DNAH14: variants seen among roughly 807,000 people sequenced by gnomAD.
DNAH14 encodes the protein dynein axonemal heavy chain 14.
Under a neutral mutation model 520.9 loss-of-function variants are expected in DNAH14, and 478 were observed. That is an observed-to-expected ratio of 0.92 (90% CI 0.85 to 0.99). The LOEUF (loss-of-function observed/expected upper bound fraction) is 0.99, where lower values mean the gene tolerates loss of function less well. Among genes scored for constraint, DNAH14 ranks in the 50% least tolerant of loss-of-function variants. The pLI is 0.00. For synonymous variants in DNAH14, 1,581 were observed against 1,757.2 expected, an observed-to-expected ratio of 0.90 and a Z score of 2.51; for missense variants, 4,831 against 5,234.5, an observed-to-expected ratio of 0.92 and a Z score of 2.38.
At chr1:225,389,693 T>A in intron 82 of DNAH14, 41 bp from the exon 83 acceptor site, 1 of 1,546,974 alleles carries the variant, frequency 6.5e-7, no homozygotes, top group Non-Finnish European at 8.7e-7. Context: ...TGTGCAATTA[T>A]TATGCCCTTA....
intron 17 of DNAH14, among the ~76,000 whole-genome samples, chr1:225,055,056 T>G (rs1192999537): frequency 6.6e-6 from 1 of 152,094 alleles, no homozygotes; most frequent in Non-Finnish European, 1.5e-5. Context: ...CTCTTTTTTT[T>G]TTACTGTGTT....
At chr1:224,941,092 A>T (rs1320222235) in intron 1 of DNAH14, among the ~76,000 whole-genome samples, 1 of 152,244 alleles carries the variant, frequency 6.6e-6, no homozygotes, top group Non-Finnish European at 1.5e-5. Context: ...AGGAATCACC[A>T]CACTCACTTC....
chr1:224,929,968 T>G, intron 1 of DNAH14, 133 bp downstream of exon 1: 1 of 449,862 alleles, frequency 2.2e-6, no homozygotes, highest in South Asian at 2.9e-5. Flanking sequence ...CCAGCTGCTG[T>G]GGGAGCGCCT....
chr1:225,171,783 A>C (rs1037169573), intron 36 of DNAH14, among the ~76,000 whole-genome samples: 7 of 152,224 alleles, frequency 4.6e-5, no homozygotes, highest in Non-Finnish European at 8.8e-5. Flanking sequence ...GGCCAGCATC[A>C]TCCTGATACC....
intron 22 of DNAH14, among the ~76,000 whole-genome samples, chr1:225,098,015 A>G (rs2075137646): frequency 6.6e-6 from 1 of 152,112 alleles, no homozygotes; most frequent in African/African-American, 2.4e-5. Context: ...ACACAGGGAA[A>G]CCTCATGTCT....
chr1:225,171,450 C>T (rs2082652362), intron 36 of DNAH14, among the ~76,000 whole-genome samples: 1 of 152,114 alleles, frequency 6.6e-6, no homozygotes, highest in South Asian at 2.1e-4. Context: ...CACCACCGAT[C>T]CCGCAGAAAT....
chr1:225,288,756 C>G (rs1187449609), intron 54 of DNAH14, among the ~76,000 whole-genome samples: 1 of 152,080 alleles, frequency 6.6e-6, no homozygotes, highest in Non-Finnish European at 1.5e-5. Context: ...CAAATTAAAA[C>G]CACAATAACA....
At chr1:225,377,975 T>C (rs554207626) in intron 79 of DNAH14, among the ~76,000 whole-genome samples, 2 of 152,254 alleles carry the variant, frequency 1.3e-5, no homozygotes, top group South Asian at 4.1e-4. Flanking sequence ...GAATCTTAAA[T>C]TTTCTTGTTC....
At chr1:225,164,292 A>G (rs139491504) in intron 35 of DNAH14, among the ~76,000 whole-genome samples, 141 of 152,236 alleles carry the variant, frequency 9.3e-4, no homozygotes, top group African/African-American at 3.3e-3. Context: ...TTGTCTTAAT[A>G]TCTATTCAGT....
chr1:225,240,311 G>A (rs1398647994), intron 42 of DNAH14, among the ~76,000 whole-genome samples: 1 of 149,206 alleles, frequency 6.7e-6, no homozygotes, highest in Non-Finnish European at 1.5e-5. Context: ...ATAAATAAAA[G>A]CATATATATG....
intron 23 of DNAH14, among the ~76,000 whole-genome samples, chr1:225,101,243 G>A (rs2075428770): frequency 6.6e-6 from 1 of 151,262 alleles, no homozygotes; most frequent in Non-Finnish European, 1.5e-5. Flanking sequence ...TAGATAGATA[G>A]TAGATGTATA....
At chr1:224,990,341 G>A (rs2062952694) in intron 8 of DNAH14, among the ~76,000 whole-genome samples, 1 of 152,020 alleles carries the variant, frequency 6.6e-6, no homozygotes, top group African/African-American at 2.4e-5. Flanking sequence ...TTTACTCTTA[G>A]CACTTTTGAA....
chr1:225,119,363 C>T (rs2077118749), intron 26 of DNAH14, 69 bp downstream of exon 26: 1 of 1,102,226 alleles, frequency 9.1e-7, no homozygotes, highest in Admixed American at 3.4e-5. Flanking sequence ...TATATACACA[C>T]ACATTTTTTA....
chr1:225,115,502 G>T (rs1013025394), intron 23 of DNAH14, among the ~76,000 whole-genome samples: 1 of 152,038 alleles, frequency 6.6e-6, no homozygotes, highest in Admixed American at 6.5e-5. Flanking sequence ...TTTTTATTCA[G>T]GCATTAATTG....
At chr1:225,085,885 A>G in intron 21 of DNAH14, 96 bp downstream of exon 21, 1 of 1,242,720 alleles carries the variant, frequency 8.0e-7, no homozygotes, top group Non-Finnish European at 1.1e-6. Flanking sequence ...TGAATTGTAT[A>G]AATCATTCAT....
intron 62 of DNAH14, 110 bp downstream of exon 62, chr1:225,322,933 G>A: frequency 8.8e-7 from 1 of 1,136,550 alleles, no homozygotes; most frequent in South Asian, 2.1e-5. Context: ...CTATTTTCTA[G>A]GAAAATAGCT....
intron 62 of DNAH14, 22 bp downstream of exon 62, chr1:225,322,845 G>T: frequency 6.5e-7 from 1 of 1,535,866 alleles, no homozygotes; most frequent in Non-Finnish European, 8.8e-7. Flanking sequence ...ATCTCTAATT[G>T]ATGCATCTCA....
chr1:225,200,406 T>A (rs2086671598), intron 38 of DNAH14, among the ~76,000 whole-genome samples: 2 of 152,172 alleles, frequency 1.3e-5, no homozygotes, highest in Admixed American at 1.3e-4. Context: ...TTCATTTTTT[T>A]GGTTTTTTTA....
intron 71 of DNAH14, among the ~76,000 whole-genome samples, chr1:225,347,892 C>G (rs911024756): frequency 3.9e-5 from 6 of 152,088 alleles, no homozygotes; most frequent in African/African-American, 7.2e-5. Context: ...GATCTATGGG[C>G]TGCCTGACAA....
Sources: gnomAD v4.1 joint callset for allele counts (sites outside exome capture counted in the v4.1 genomes callset) on GRCh38, gnomAD v4.1.1 for gene constraint, MANE v1.5 for transcripts, NCBI Gene and HGNC (gene_info 2026-07-23, HGNC 2026-07-21) for gene names.